Variants in LRRC4C observed in about 807,000 individuals in gnomAD.
The protein encoded by LRRC4C is leucine rich repeat containing 4C.
In LRRC4C, 5 loss-of-function variants were observed where a neutral mutation model predicts 33.6. The ratio of observed to expected loss-of-function variants is 0.15; its 90% confidence interval spans 0.08 to 0.31. LRRC4C has a LOEUF of 0.31. Ranked by LOEUF, LRRC4C falls within the 10% of genes least tolerant of loss-of-function variation. LRRC4C has a pLI of 1.00. For synonymous variants in LRRC4C, 329 were observed against 302.0 expected, an observed-to-expected ratio of 1.09 and a Z score of -0.93; for missense variants, 560 against 796.7, an observed-to-expected ratio of 0.70 and a Z score of 3.58.
chr11:40,394,631 A>G (rs1251278599), intron 3 of LRRC4C, among the ~76,000 whole-genome samples: 2 of 152,154 alleles, frequency 1.3e-5, no homozygotes, highest in East Asian at 1.9e-4. Flanking sequence ...TGCCACCTCA[A>G]ATGACCCAAA....
intron 2 of LRRC4C, among the ~76,000 whole-genome samples, chr11:40,917,237 T>C (rs1227799700): frequency 6.6e-6 from 1 of 152,138 alleles, no homozygotes; most frequent in Admixed American, 6.6e-5. Context: ...CTCTCCATAA[T>C]GTGGCTAGGA....
intron 1 of LRRC4C, among the ~76,000 whole-genome samples, chr11:41,319,375 A>T (rs933449679): frequency 1.3e-5 from 2 of 152,188 alleles, no homozygotes; most frequent in African/African-American, 2.4e-5. Context: ...CATCTGTTAC[A>T]TGGAGCATTC....
chr11:40,914,421 A>G (rs2136299560), intron 2 of LRRC4C, among the ~76,000 whole-genome samples: 1 of 152,342 alleles, frequency 6.6e-6, no homozygotes, highest in East Asian at 1.9e-4. Flanking sequence ...GTAATCCAGA[A>G]TATAAAAAGA....
intron 4 of LRRC4C, among the ~76,000 whole-genome samples, chr11:40,306,271 A>G (rs967961705): frequency 2.6e-5 from 4 of 152,230 alleles, no homozygotes; most frequent in African/African-American, 4.8e-5. Flanking sequence ...CAAAGTGTCA[A>G]AAGAAATCTC....
intron 2 of LRRC4C, among the ~76,000 whole-genome samples, chr11:40,888,886 T>C (rs1955578117): frequency 6.6e-6 from 1 of 152,046 alleles, no homozygotes; most frequent in Non-Finnish European, 1.5e-5. Context: ...TATCTTCTTT[T>C]ATTTTTCTCT....
At chr11:40,470,286 G>A (rs1334689557) in intron 3 of LRRC4C, among the ~76,000 whole-genome samples, 2 of 152,222 alleles carry the variant, frequency 1.3e-5, no homozygotes, top group Non-Finnish European at 2.9e-5. Context: ...ACCTGCAGAA[G>A]AGGGGCCTGA....
chr11:41,061,200 AG>A (rs1448926473), intron 1 of LRRC4C, among the ~76,000 whole-genome samples: 1 of 152,180 alleles, frequency 6.6e-6, no homozygotes, highest in Non-Finnish European at 1.5e-5. Context: ...GTTGAGTGGA[AG>A]GGGAAGGAGT....
intron 1 of LRRC4C, among the ~76,000 whole-genome samples, chr11:40,962,042 C>T (rs557179870): frequency 3.7e-4 from 56 of 151,566 alleles, no homozygotes; most frequent in African/African-American, 1.3e-3. Context: ...CTGTAAGAAG[C>T]GGAATAATGG....
At chr11:41,231,862 A>T (rs1168338234) in intron 1 of LRRC4C, among the ~76,000 whole-genome samples, 1 of 151,854 alleles carries the variant, frequency 6.6e-6, no homozygotes, top group Non-Finnish European at 1.5e-5. Context: ...AAGAGTAACT[A>T]GTCCATACTT....
chr11:40,147,898 A>G (rs1464910879), intron 5 of LRRC4C, among the ~76,000 whole-genome samples: 4 of 151,602 alleles, frequency 2.6e-5, no homozygotes, highest in Admixed American at 2.6e-4. Flanking sequence ...CCCTCCTCCC[A>G]CCCTCACCCT....
At chr11:40,893,000 T>C (rs1192498172) in intron 2 of LRRC4C, among the ~76,000 whole-genome samples, 1 of 152,134 alleles carries the variant, frequency 6.6e-6, no homozygotes, top group Non-Finnish European at 1.5e-5. Context: ...CAAGTATTTA[T>C]CTCTATGTGT....
At chr11:40,378,311 C>T (rs1373677619) in intron 3 of LRRC4C, among the ~76,000 whole-genome samples, 1 of 151,904 alleles carries the variant, frequency 6.6e-6, no homozygotes, top group East Asian at 1.9e-4. Context: ...AGCAGTTCAT[C>T]ATGGGAAGCC....
intron 1 of LRRC4C, among the ~76,000 whole-genome samples, chr11:41,148,809 G>A (rs1469575553): frequency 6.6e-6 from 1 of 152,078 alleles, no homozygotes; most frequent in African/African-American, 2.4e-5. Context: ...ACCTGATAGG[G>A]TTGTTGTAGG....
intron 2 of LRRC4C, among the ~76,000 whole-genome samples, chr11:40,840,254 G>T (rs188084816): frequency 6.8e-4 from 104 of 152,174 alleles, no homozygotes; most frequent in African/African-American, 2.4e-3. Flanking sequence ...TAAATCAAAA[G>T]AAAAATGCAC....
intron 1 of LRRC4C, among the ~76,000 whole-genome samples, chr11:41,210,380 G>C (rs1485232428): frequency 6.6e-6 from 1 of 152,078 alleles, no homozygotes; most frequent in Non-Finnish European, 1.5e-5. Context: ...GGTTTTACAA[G>C]GGTTTTCTCC....
chr11:40,904,933 C>T (rs1433390507), intron 2 of LRRC4C, among the ~76,000 whole-genome samples: 4 of 152,114 alleles, frequency 2.6e-5, no homozygotes, highest in African/African-American at 9.7e-5. Flanking sequence ...ATAAACCACG[C>T]TCAAGAGGAA....
chr11:40,445,366 T>C (rs899869864), intron 3 of LRRC4C: 13 of 153,200 alleles, frequency 8.5e-5, no homozygotes, highest in African/African-American at 3.1e-4. Context: ...GTGAGTTTTC[T>C]GTGTCTAGTG....
intron 2 of LRRC4C, among the ~76,000 whole-genome samples, chr11:40,876,728 C>A (rs1954911391): frequency 1.3e-5 from 2 of 151,714 alleles, no homozygotes; most frequent in Non-Finnish European, 2.9e-5. Context: ...CTTGGTGAAA[C>A]CCCATCTCTA....
intron 3 of LRRC4C, among the ~76,000 whole-genome samples, chr11:40,372,998 GA>G (rs1443057944): frequency 3.3e-5 from 5 of 152,158 alleles, no homozygotes; most frequent in African/African-American, 9.6e-5. Flanking sequence ...ATTATTATTT[GA>G]AAACGGAGAA....
Sources: gnomAD v4.1 joint callset for allele counts (sites outside exome capture counted in the v4.1 genomes callset) on GRCh38, gnomAD v4.1.1 for gene constraint, MANE v1.5 for transcripts, NCBI Gene and HGNC (gene_info 2026-07-23, HGNC 2026-07-21) for gene names.